The following ADAMTS17 variants were observed in gnomAD, a reference collection of about 807,000 sequenced individuals.
ADAMTS17 encodes the protein A disintegrin and metalloproteinase with thrombospondin motifs 17.
Under a neutral mutation model 141.5 loss-of-function variants are expected in ADAMTS17, and 113 were observed. The observed-to-expected ratio is 0.80, with a 90% CI of 0.69 to 0.93. ADAMTS17 has a LOEUF of 0.93. Among genes scored for constraint, ADAMTS17 ranks in the 40% least tolerant of loss-of-function variants. ADAMTS17 has a pLI of 0.00. For missense variants in ADAMTS17, 1,659 were observed against 1,517.9 expected, an observed-to-expected ratio of 1.09 and a Z score of -1.54; for synonymous variants, 768 against 630.6, an observed-to-expected ratio of 1.22 and a Z score of -3.27.
intron 17 of ADAMTS17, among the ~76,000 whole-genome samples, chr15:100,050,590 C>T (rs538536647): frequency 6.6e-6 from 1 of 152,310 alleles, no homozygotes; most frequent in South Asian, 2.1e-4. Context: ...ATAACTCCTA[C>T]CCATGAAAAA....
intron 8 of ADAMTS17, among the ~76,000 whole-genome samples, chr15:100,170,296 A>C (rs1290554649): frequency 1.3e-5 from 2 of 152,198 alleles, no homozygotes; most frequent in African/African-American, 4.8e-5. Context: ...TACAGGCCTT[A>C]AAGAGCTGCA....
Position 99,973,123 on chromosome 15 carries a change from C to T in ADAMTS17, c.*1279G>A, listed in dbSNP as rs905813966. 5.9e-5 allele frequency: 9 copies of T among 151,318 alleles called. No homozygotes were observed. Among genetic ancestry groups the T allele is most frequent in the African/African-American group, 1.7e-4 (7 of 41,146 alleles). The allele number at this position is 151,318 out of a possible 1,614,324, so 9.4% of individuals were successfully genotyped here. A position where few individuals can be genotyped will look rare whatever the true frequency, so the allele number is the denominator to read the frequency against. On this transcript the variant is annotated 3_prime_UTR_variant, in exon 22 of 22. Transcript: ENST00000268070. ...CCTCTGTGCTCTCAAAGAGGCCACT[C>T]TGCTTGTCTGCTGCCAGGCGTAAGG...
intron 7 of ADAMTS17, among the ~76,000 whole-genome samples, chr15:100,202,563 A>C (rs1016087039): frequency 4.6e-5 from 7 of 152,236 alleles, no homozygotes; most frequent in African/African-American, 1.4e-4. Flanking sequence ...TTGTTGTAAA[A>C]TAAGAGCTGT....
At chr15:100,001,209 A>G (rs1397583132) in intron 18 of ADAMTS17, among the ~76,000 whole-genome samples, 1 of 152,202 alleles carries the variant, frequency 6.6e-6, no homozygotes, top group Non-Finnish European at 1.5e-5. Flanking sequence ...AGGCATGCCC[A>G]TTACCCCTGA....
At chr15:100,039,689 G>C (rs1053729683) in intron 18 of ADAMTS17, among the ~76,000 whole-genome samples, 1 of 152,128 alleles carries the variant, frequency 6.6e-6, no homozygotes, top group African/African-American at 2.4e-5. Context: ...AGTGTTCCAT[G>C]TGCAAATTCT....
At chr15:100,340,723 G>A (rs1014388185) in intron 2 of ADAMTS17, among the ~76,000 whole-genome samples, 2 of 152,130 alleles carry the variant, frequency 1.3e-5, no homozygotes, top group South Asian at 2.1e-4. Context: ...TCTGTCCAGG[G>A]CCCTGACAGT....
chr15:100,064,901 C>A lies in ADAMTS17; in HGVS notation c.2138-10847G>T, dbSNP rs75860644. Reference sequence around the variant, plus strand: ...CAAGCGTATTAGGCGTTTGTTTCTGCGATTCAGATGAGGATCTCAACTTAG... The same window carrying A: ...CAAGCGTATTAGGCGTTTGTTTCTGAGATTCAGATGAGGATCTCAACTTAG... On this transcript the variant is annotated intron_variant, in intron 15 of 21. Transcript: ENST00000268070. Among the ~76,000 whole-genome samples the A allele has an allele frequency of 4.2e-3, 632 of 152,208 alleles. 6 individuals carry two copies. Among genetic ancestry groups the A allele is most frequent in the African/African-American group, 0.015 (615 of 41,532 alleles).
intron 13 of ADAMTS17, 138 bp from the exon 14 acceptor site, chr15:100,109,254 CGCGCT>C: frequency 9.7e-7 from 1 of 1,034,936 alleles, no homozygotes; most frequent in Non-Finnish European, 1.4e-6. Flanking sequence ...AGCTCAGGTA[CGCGCT>C]CCAGGAAGCG....
chr15:100,108,099 G>T (rs1236914752), intron 14 of ADAMTS17, among the ~76,000 whole-genome samples: 1 of 152,108 alleles, frequency 6.6e-6, no homozygotes, highest in Non-Finnish European at 1.5e-5. Context: ...GGAGGGTAAG[G>T]GCTACAGGTG....
At chr15:100,113,425 C>A (rs577771465) in intron 13 of ADAMTS17, among the ~76,000 whole-genome samples, 7 of 152,316 alleles carry the variant, frequency 4.6e-5, no homozygotes, top group African/African-American at 1.7e-4. Flanking sequence ...GACAGACCCA[C>A]GTGACTGACT....
At chr15:100,304,073 T>C (rs2045138245) in intron 3 of ADAMTS17, among the ~76,000 whole-genome samples, 1 of 152,198 alleles carries the variant, frequency 6.6e-6, no homozygotes, top group Non-Finnish European at 1.5e-5. Flanking sequence ...CTCTTAATTT[T>C]ACTTCAGCTC....
At chr15:100,206,773 CAG>C (rs1157194291) in intron 7 of ADAMTS17, among the ~76,000 whole-genome samples, 1 of 152,192 alleles carries the variant, frequency 6.6e-6, no homozygotes, top group Non-Finnish European at 1.5e-5. Context: ...AATCTCCCTT[CAG>C]AGATTCAAAT....
intron 18 of ADAMTS17, among the ~76,000 whole-genome samples, chr15:100,005,819 G>A (rs1359291049): frequency 1.3e-5 from 2 of 152,184 alleles, no homozygotes; most frequent in Non-Finnish European, 2.9e-5. Flanking sequence ...GAGGCCAGAA[G>A]TCCAAAACCA....
rs183504366 is a variant in ADAMTS17 at position 100,301,326 on chromosome 15, T to C, written c.617-19925A>G. ...TCTCTCTACTGTTCTATGTGAGTTATATATATATATATATTTTTCTGAGAC... is the reference window on the plus strand; with the variant it reads ...TCTCTCTACTGTTCTATGTGAGTTACATATATATATATATTTTTCTGAGAC... On this transcript the variant is annotated intron_variant, in intron 3 of 21. Transcript: ENST00000268070. 4.3e-3 allele frequency among the ~76,000 whole-genome samples: 634 copies of C among 147,024 alleles called. 3 individuals carry two copies. Among genetic ancestry groups the C allele is most frequent in the African/African-American group, 0.015 (601 of 39,802 alleles).
intron 8 of ADAMTS17, among the ~76,000 whole-genome samples, chr15:100,197,989 A>G (rs1392030326): frequency 1.3e-5 from 2 of 152,176 alleles, no homozygotes; most frequent in Non-Finnish European, 1.5e-5. Context: ...ACACATGGAC[A>G]CAGGGAGGGA....
intron 15 of ADAMTS17, among the ~76,000 whole-genome samples, chr15:100,058,109 C>A (rs1460897666): frequency 6.6e-6 from 1 of 152,072 alleles, no homozygotes; most frequent in African/African-American, 2.4e-5. Flanking sequence ...CTGCCTCAAA[C>A]TCCCTCCAGG....
chr15:100,148,386 G>A (rs781108617), intron 10 of ADAMTS17, among the ~76,000 whole-genome samples: 1 of 151,682 alleles, frequency 6.6e-6, no homozygotes, highest in Non-Finnish European at 1.5e-5. Context: ...ATCATTTTCT[G>A]CAGAAGATTT....
At chr15:100,006,562 G>T (rs528765066) in intron 18 of ADAMTS17, among the ~76,000 whole-genome samples, 20 of 152,276 alleles carry the variant, frequency 1.3e-4, no homozygotes, top group African/African-American at 4.8e-4. Flanking sequence ...CTGGTAGGTC[G>T]TTATTTTCAA....
intron 7 of ADAMTS17, among the ~76,000 whole-genome samples, chr15:100,251,838 G>C (rs912968724): frequency 6.6e-6 from 1 of 152,198 alleles, no homozygotes; most frequent in African/African-American, 2.4e-5. Flanking sequence ...GAACAGGCAG[G>C]TGCGCACACA....
Sources: gnomAD v4.1 joint callset for allele counts (sites outside exome capture counted in the v4.1 genomes callset) on GRCh38, gnomAD v4.1.1 for gene constraint, MANE v1.5 for transcripts, NCBI Gene and HGNC (gene_info 2026-07-23, HGNC 2026-07-21) for gene names.